Variants in PPFIA2 observed in about 807,000 individuals in gnomAD.
PPFIA2 encodes the protein PPFI scaffold protein A2, also known as liprin-alpha-2.
In PPFIA2, 46 loss-of-function variants were observed where a neutral mutation model predicts 175.5. That is an observed-to-expected ratio of 0.26 (90% CI 0.21 to 0.34). The LOEUF (loss-of-function observed/expected upper bound fraction) is 0.34. Ranked by LOEUF, PPFIA2 falls within the 10% of genes least tolerant of loss-of-function variation. The pLI is 1.00. For synonymous variants in PPFIA2, 568 were observed against 511.4 expected (o/e 1.11, Z -1.49); for missense variants, 1,179 against 1,506.1 (o/e 0.78, Z 3.60).
chr12:81,536,082 G>A (rs2065327830), intron 4 of PPFIA2, among the ~76,000 whole-genome samples: 1 of 151,734 alleles, frequency 6.6e-6, no homozygotes, highest in Non-Finnish European at 1.5e-5. Flanking sequence ...GAATATATGA[G>A]TGTTATAAAT....
chr12:81,467,641 C>T (rs982608331), intron 4 of PPFIA2, among the ~76,000 whole-genome samples: 5 of 152,180 alleles, frequency 3.3e-5, no homozygotes, highest in Admixed American at 2.0e-4. Flanking sequence ...CTTCTATTAT[C>T]GTCTCCTCAT....
chr12:81,564,122 T>C (rs966067542), intron 4 of PPFIA2, among the ~76,000 whole-genome samples: 1 of 152,178 alleles, frequency 6.6e-6, no homozygotes, highest in Non-Finnish European at 1.5e-5. Context: ...GACATAAGTA[T>C]GAAAAACAAT....
chr12:81,591,891 T>C (rs1008289323), intron 4 of PPFIA2, among the ~76,000 whole-genome samples: 11 of 151,870 alleles, frequency 7.2e-5, no homozygotes, highest in African/African-American at 1.9e-4. Context: ...GGAACCACCA[T>C]TGCTTGCCTC....
intron 4 of PPFIA2, among the ~76,000 whole-genome samples, chr12:81,645,026 T>C (rs2065868433): frequency 6.6e-6 from 1 of 152,000 alleles, no homozygotes; most frequent in South Asian, 2.1e-4. Flanking sequence ...GAAATTCTTC[T>C]CTGGAAATAA....
At chr12:81,669,137 CAACATTTAA>C (rs1300679401) in intron 4 of PPFIA2, among the ~76,000 whole-genome samples, 1 of 151,802 alleles carries the variant, frequency 6.6e-6, no homozygotes, top group Non-Finnish European at 1.5e-5. Context: ...TTCCAGTGGT[CAACATTTAA>C]AGGTTTCCCT....
chr12:81,264,428 G>C (rs1214204044), intron 30 of PPFIA2, among the ~76,000 whole-genome samples: 2 of 152,032 alleles, frequency 1.3e-5, no homozygotes, highest in Admixed American at 6.6e-5. Context: ...ATTCCACATA[G>C]GTCTTGTCTT....
intron 3 of PPFIA2, among the ~76,000 whole-genome samples, chr12:81,729,538 G>A (rs750192960): frequency 9.9e-5 from 15 of 151,538 alleles, no homozygotes; most frequent in Admixed American, 3.3e-4. Context: ...CCTCAAGTGC[G>A]GTAAACAGAA....
At chr12:81,665,322 C>T (rs1467042433) in intron 4 of PPFIA2, among the ~76,000 whole-genome samples, 1 of 151,982 alleles carries the variant, frequency 6.6e-6, no homozygotes, top group Non-Finnish European at 1.5e-5. Context: ...TGTTTTCTAT[C>T]ACATTAATCA....
rs918625960 is a variant in PPFIA2, at chr12:81,258,931, T to C, written c.*763A>G. 4 of 152,114 alleles carry C rather than the reference T, an allele frequency of 2.6e-5. No individual in the cohort carries two copies. Among genetic ancestry groups the C allele is most frequent in the African/African-American group, 9.7e-5 (4 of 41,432 alleles). The allele number at this position is 152,114 out of a possible 1,614,324, so 9.4% of individuals were successfully genotyped here. ...TTTTTTAATATAAATTTTTAAATAA[T>C]TGCTTTTGACCCTTGTAAACAGCTT... is the stretch of plus-strand genomic sequence containing the variant. On this transcript the variant is annotated 3_prime_UTR_variant, in exon 33 of 33. Coordinates refer to ENST00000549396, the MANE Select transcript of PPFIA2 (RefSeq NM_003625.5).
intron 4 of PPFIA2, among the ~76,000 whole-genome samples, chr12:81,593,764 A>G (rs1456718818): frequency 6.6e-6 from 1 of 152,238 alleles, no homozygotes; most frequent in Non-Finnish European, 1.5e-5. Flanking sequence ...ACAATCACAC[A>G]GAAGAGCATG....
intron 4 of PPFIA2, among the ~76,000 whole-genome samples, chr12:81,521,389 C>T (rs1182411398): frequency 6.6e-6 from 1 of 152,084 alleles, no homozygotes; most frequent in Non-Finnish European, 1.5e-5. Flanking sequence ...ATTTACTAAA[C>T]ACTTATTCTT....
chr12:81,492,482 A>G (rs1180112704), intron 4 of PPFIA2, among the ~76,000 whole-genome samples: 1 of 152,074 alleles, frequency 6.6e-6, no homozygotes, highest in African/African-American at 2.4e-5. Flanking sequence ...GCTATAGAGT[A>G]AAATAAAACG....
chr12:81,267,881 C>G (rs1381909171), intron 29 of PPFIA2, 31 bp downstream of exon 29: 1 of 1,556,664 alleles, frequency 6.4e-7, no homozygotes, highest in East Asian at 2.3e-5. Flanking sequence ...TAAACCAGAA[C>G]ACATTGAGAC....
chr12:81,631,475 T>C (rs1413613121), intron 4 of PPFIA2, among the ~76,000 whole-genome samples: 3 of 152,228 alleles, frequency 2.0e-5, no homozygotes, highest in Middle Eastern at 3.4e-3. Flanking sequence ...CAAGATCCGA[T>C]GATATACTAA....
chr12:81,729,842 A>C (rs2080624518), intron 3 of PPFIA2, among the ~76,000 whole-genome samples: 1 of 151,500 alleles, frequency 6.6e-6, no homozygotes, highest in Non-Finnish European at 1.5e-5. Context: ...CAGCCCACTT[A>C]AGGTATTGAA....
At chr12:81,403,351 T>TAGACAATAGAGAC (rs2042379147) in intron 8 of PPFIA2, among the ~76,000 whole-genome samples, 1 of 152,204 alleles carries the variant, frequency 6.6e-6, no homozygotes, top group African/African-American at 2.4e-5. Flanking sequence ...CAATTATGCA[T>TAGACAATAGAGAC]AAATCCTCAT....
chr12:81,350,056 C>G (rs17008424), intron 17 of PPFIA2, among the ~76,000 whole-genome samples: 9,425 of 152,186 alleles, frequency 0.062, 375 homozygotes, highest in African/African-American at 0.12. Flanking sequence ...TATTAACCTA[C>G]TGGCCAAGAT....
intron 4 of PPFIA2, among the ~76,000 whole-genome samples, chr12:81,625,511 T>C (rs1412849914): frequency 6.6e-6 from 1 of 151,682 alleles, no homozygotes; most frequent in Non-Finnish European, 1.5e-5. Context: ...CTGGCTCTGA[T>C]ACATTGTGTA....
At chr12:81,532,629 TCTC>T (rs1247279887) in intron 4 of PPFIA2, among the ~76,000 whole-genome samples, 2 of 151,798 alleles carry the variant, frequency 1.3e-5, no homozygotes, top group African/African-American at 4.8e-5. Context: ...TTTTTTAGCT[TCTC>T]CTTGAATATT....
Sources: gnomAD v4.1 joint callset for allele counts (sites outside exome capture counted in the v4.1 genomes callset) on GRCh38, gnomAD v4.1.1 for gene constraint, MANE v1.5 for transcripts, NCBI Gene and HGNC (gene_info 2026-07-23, HGNC 2026-07-21) for gene names.